The following RABGAP1 variants were observed in gnomAD, a reference collection of about 807,000 sequenced individuals.
RABGAP1 encodes rab GTPase-activating protein 1.
In RABGAP1, 23 loss-of-function variants were observed where a neutral mutation model predicts 137.6. The ratio of observed to expected loss-of-function variants is 0.17; its 90% CI spans 0.12 to 0.24. The LOEUF (loss-of-function observed/expected upper bound fraction) is 0.24. Ranked by LOEUF, RABGAP1 falls within the 10% of genes least tolerant of loss-of-function variation. The pLI, the probability that RABGAP1 is intolerant of heterozygous loss-of-function variation, is 1.00. For missense variants in RABGAP1, 906 were observed against 1,275.8 expected (o/e 0.71, Z 4.42); for synonymous variants, 451 against 450.7 (o/e 1.00, Z -0.01).
chr9:122,949,393 A>G (rs534957947), intron 1 of RABGAP1, among the ~76,000 whole-genome samples: 3 of 152,194 alleles, frequency 2.0e-5, no homozygotes, highest in Admixed American at 2.0e-4. Flanking sequence ...GGCACCTGTA[A>G]TTCCCAGCTA....
intron 13 of RABGAP1, among the ~76,000 whole-genome samples, chr9:123,025,602 C>CT (rs1254228505): frequency 2.8e-5 from 3 of 105,434 alleles, no homozygotes; most frequent in African/African-American, 1.1e-4. Flanking sequence ...GATCTTGTAG[C>CT]TTTATTGTTA....
intron 6 of RABGAP1, among the ~76,000 whole-genome samples, chr9:122,995,382 C>T (rs560144790): frequency 5.9e-5 from 9 of 152,034 alleles, no homozygotes; most frequent in African/African-American, 2.2e-4. Flanking sequence ...AATAATCTAT[C>T]TGTAAAGCCC....
At chr9:123,077,670 T>C (rs1297498390) in intron 19 of RABGAP1, among the ~76,000 whole-genome samples, 1 of 145,086 alleles carries the variant, frequency 6.9e-6, no homozygotes, top group African/African-American at 2.6e-5. Context: ...TATTGTATTG[T>C]ATTGTATTGT....
chr9:123,010,772 A>T (rs1185843992), intron 11 of RABGAP1, among the ~76,000 whole-genome samples: 1 of 152,208 alleles, frequency 6.6e-6, no homozygotes, highest in Non-Finnish European at 1.5e-5. Flanking sequence ...TTAAACAATC[A>T]GTGTAGTGCT....
chr9:122,994,102 G>T (rs1836891802), intron 6 of RABGAP1, among the ~76,000 whole-genome samples: 1 of 152,190 alleles, frequency 6.6e-6, no homozygotes, highest in Non-Finnish European at 1.5e-5. Flanking sequence ...AATTAAGCCT[G>T]TACTTCAGTT....
chr9:123,020,571 A>C, intron 13 of RABGAP1, 112 bp downstream of exon 13: 1 of 1,103,750 alleles, frequency 9.1e-7, no homozygotes, highest in Non-Finnish European at 1.2e-6. Flanking sequence ...TTATTTAAGA[A>C]TAGAACTGTT....
chr9:122,987,440 G>A (rs1443848536), intron 4 of RABGAP1, among the ~76,000 whole-genome samples: 1 of 151,858 alleles, frequency 6.6e-6, no homozygotes, highest in Non-Finnish European at 1.5e-5. Flanking sequence ...ATTGGTATAT[G>A]TATATGTCTA....
At chr9:123,059,826 T>C (rs920236550) in intron 13 of RABGAP1, among the ~76,000 whole-genome samples, 10 of 152,198 alleles carry the variant, frequency 6.6e-5, no homozygotes, top group African/African-American at 2.4e-4. Flanking sequence ...TCCCAGACTG[T>C]AAAAACAATT....
chr9:123,034,200 G>A (rs914830528), intron 13 of RABGAP1: 5 of 253,670 alleles, frequency 2.0e-5, no homozygotes, highest in African/African-American at 1.1e-4. Flanking sequence ...TACAACTCCT[G>A]CTGAAGCTCC....
Position 123,103,588 on chromosome 9 carries a change from C to CATATATATATATATATATAT in RABGAP1, c.*405_*424dup. On this transcript the variant is annotated 3_prime_UTR_variant, in exon 26 of 26. Coordinates refer to ENST00000373647, the MANE Select transcript of RABGAP1 (RefSeq NM_012197.4). The stretch of plus-strand genomic sequence containing the variant: ...TTCTAAACCTTTTTTTTTTAATATA[C>CATATATATATATATATATAT]ATATATATATATATATATATATATA... 6.7e-5 allele frequency: 3 copies of CATATATATATATATATATAT among 44,962 alleles called. No individual in the cohort carries two copies. Among genetic ancestry groups the CATATATATATATATATATAT allele is most frequent in the Admixed American group, 3.6e-4 (1 of 2,784 alleles). The allele number at this position is 44,962 out of a possible 1,614,324, so 2.8% of individuals were successfully genotyped here.
At chr9:123,071,049 A>G (rs1238646361) in intron 15 of RABGAP1, among the ~76,000 whole-genome samples, 1 of 152,216 alleles carries the variant, frequency 6.6e-6, no homozygotes, top group African/African-American at 2.4e-5. Flanking sequence ...GAAAGTAAAT[A>G]ACAAACATCA....
At chr9:122,941,540 G>A (rs1256942939) in intron 1 of RABGAP1, among the ~76,000 whole-genome samples, 2 of 152,234 alleles carry the variant, frequency 1.3e-5, no homozygotes, top group Non-Finnish European at 2.9e-5. Flanking sequence ...GCTAGCCTGG[G>A]CCTCAGGCTG....
intron 13 of RABGAP1, among the ~76,000 whole-genome samples, chr9:123,040,397 A>G (rs565102023): frequency 1.8e-4 from 27 of 152,290 alleles, no homozygotes; most frequent in African/African-American, 5.5e-4. Flanking sequence ...CTTGGTGGGA[A>G]TGGAATCTCA....
chr9:123,026,262 T>G (rs1386171200), intron 13 of RABGAP1, among the ~76,000 whole-genome samples: 3 of 152,164 alleles, frequency 2.0e-5, no homozygotes, highest in Non-Finnish European at 4.4e-5. Flanking sequence ...AGGCAGAGGT[T>G]GCAGTGAGCC....
intron 2 of RABGAP1, among the ~76,000 whole-genome samples, chr9:122,963,273 A>G (rs1300176327): frequency 4.6e-5 from 7 of 152,182 alleles, no homozygotes; most frequent in Admixed American, 4.6e-4. Context: ...AGATTATAAT[A>G]TACTGCTTTC....
At chr9:122,974,369 G>A (rs1049577020) in intron 2 of RABGAP1, among the ~76,000 whole-genome samples, 10 of 139,208 alleles carry the variant, frequency 7.2e-5, no homozygotes, top group African/African-American at 2.4e-4. Flanking sequence ...TAGAAGAATT[G>A]ATTGTATTTG....
chr9:123,026,221 G>A (rs929191180), intron 13 of RABGAP1, among the ~76,000 whole-genome samples: 4 of 152,102 alleles, frequency 2.6e-5, no homozygotes, highest in Admixed American at 6.5e-5. Flanking sequence ...CTACTCGGGA[G>A]CCTGAGGCAG....
In RABGAP1 at chr9:123,057,006, C is replaced by T. The variant is rs866654241; in HGVS notation, c.1795-8342C>T. On this transcript the variant is annotated intron_variant, in intron 13 of 25. Coordinates refer to ENST00000373647, the MANE Select transcript of RABGAP1 (RefSeq NM_012197.4). ...AGCTATTGGGTACACCTCCCAGATG[C>T]GGTGGTGGCCGGGCAGAGGGGCTCC... 1.5e-3 allele frequency among the ~76,000 whole-genome samples: 222 copies of T among 151,578 alleles called. 2 individuals carry two copies. In the Middle Eastern group the frequency reaches 0.034, roughly 23 times the overall value.
intron 14 of RABGAP1, among the ~76,000 whole-genome samples, chr9:123,068,250 T>C (rs546816990): frequency 2.0e-5 from 3 of 150,392 alleles, no homozygotes; most frequent in African/African-American, 7.4e-5. Context: ...TTTGGGAGGC[T>C]GAGGCAGGAG....
Sources: gnomAD v4.1 joint callset for allele counts (sites outside exome capture counted in the v4.1 genomes callset) on GRCh38, gnomAD v4.1.1 for gene constraint, MANE v1.5 for transcripts, NCBI Gene and HGNC (gene_info 2026-07-23, HGNC 2026-07-21) for gene names.